SYN3: variants seen among roughly 807,000 people sequenced by gnomAD.
The protein encoded by SYN3 is synapsin III.
In SYN3, 35 loss-of-function variants were observed where a neutral mutation model predicts 65.8. The ratio of observed to expected loss-of-function variants is 0.53; its 90% CI spans 0.41 to 0.70. SYN3 has a LOEUF of 0.70. Ranked by LOEUF, SYN3 falls within the 30% of genes least tolerant of loss-of-function variation. SYN3 has a pLI of 0.00. For synonymous variants in SYN3, 270 were observed against 292.9 expected (o/e 0.92, Z 0.80); for missense variants, 680 against 749.0 (o/e 0.91, Z 1.08).
intron 8 of SYN3, among the ~76,000 whole-genome samples, chr22:32,539,085 C>T (rs135476): frequency 0.64 from 97,982 of 151,934 alleles, 31,725 homozygotes; most frequent in East Asian, 0.9. Context: ...GGAGGTAAAG[C>T]TATTTGTCTT....
chr22:32,515,712 T>C (rs2057759019), intron 13 of SYN3, among the ~76,000 whole-genome samples: 1 of 152,220 alleles, frequency 6.6e-6, no homozygotes, highest in Non-Finnish European at 1.5e-5. Flanking sequence ...CTATTTGTGA[T>C]GGATTAGTTA....
At chr22:32,940,615 A>G (rs938174470) in intron 3 of SYN3, among the ~76,000 whole-genome samples, 2 of 152,212 alleles carry the variant, frequency 1.3e-5, no homozygotes, top group African/African-American at 4.8e-5. Flanking sequence ...ATTTATTGAA[A>G]TGAGCACTCT....
At chr22:32,765,674 G>A (rs747740848) in intron 6 of SYN3, among the ~76,000 whole-genome samples, 2 of 152,160 alleles carry the variant, frequency 1.3e-5, no homozygotes, top group Non-Finnish European at 2.9e-5. Context: ...TGGCTGGCAG[G>A]AGCGGGAGGC....
Position 32,801,975 on chromosome 22 carries a change from G to A in SYN3, c.711+62940C>T. On this transcript the variant is annotated intron_variant, in intron 6 of 13. Coordinates refer to ENST00000358763, the MANE Select transcript of SYN3 (RefSeq NM_003490.4). This position sits in a 1 kb window ranked among gnomAD's most constrained non-coding sequence, Gnocchi z 4.7. ...GGCAACTTTGGAGAGGCGAGCAGCAGCCCCGGCAGCGGCGGCAGCAGCGGC... is the reference window on the plus strand; with the variant it reads ...GGCAACTTTGGAGAGGCGAGCAGCAACCCCGGCAGCGGCGGCAGCAGCGGC... 1.3e-6 allele frequency: 2 copies of A among 1,580,344 alleles called. No homozygotes were observed. Among genetic ancestry groups the A allele is most frequent in the Middle Eastern group, 1.9e-4 (1 of 5,314 alleles).
chr22:32,979,808 G>A (rs2052318529), intron 3 of SYN3, among the ~76,000 whole-genome samples: 1 of 152,160 alleles, frequency 6.6e-6, no homozygotes, highest in African/African-American at 2.4e-5. Flanking sequence ...GACAGATGAA[G>A]AAATTGAACT....
chr22:32,895,700 T>C (rs908046266), intron 4 of SYN3, among the ~76,000 whole-genome samples: 7 of 152,268 alleles, frequency 4.6e-5, no homozygotes, highest in Admixed American at 1.3e-4. Flanking sequence ...TTATCTCCCA[T>C]CTCTAAGCCT....
In SYN3 at chr22:33,006,474, G is replaced by A; in HGVS notation, c.189C>T (p.Leu63=). Reference sequence around the variant, plus strand: ...GAGGGGCCTGCTTCATGGCACTGGAGAGGGAGCTAAAAAGGCTGGATCCTG... The same window carrying A: ...GAGGGGCCTGCTTCATGGCACTGGAAAGGGAGCTAAAAAGGCTGGATCCTG... ...SSPGSSLFSS[L]SSAMKQAPQA... The change falls in exon 2 of 14, where the codon CTC becomes CTT. Residue 63 remains leucine (L), a synonymous_variant. Coordinates refer to ENST00000358763, the MANE Select transcript of SYN3 (RefSeq NM_003490.4). The A allele has an allele frequency of 1.9e-6, 3 of 1,614,222 alleles. No homozygotes were observed. Among genetic ancestry groups the A allele is most frequent in the Non-Finnish European group, 2.5e-6 (3 of 1,180,044 alleles).
intron 6 of SYN3, among the ~76,000 whole-genome samples, chr22:32,730,072 C>T (rs1289290558): frequency 2.0e-5 from 3 of 152,158 alleles, no homozygotes. Context: ...TAGACTATTT[C>T]CCTAGATAAG....
intron 1 of SYN3, among the ~76,000 whole-genome samples, chr22:33,051,130 G>A (rs78181550): frequency 0.014 from 2,194 of 152,118 alleles, 60 homozygotes; most frequent in African/African-American, 0.05. Flanking sequence ...AGAAACGTTC[G>A]GTGACTTGCT....
chr22:32,995,145 C>T (rs987592207), intron 2 of SYN3, among the ~76,000 whole-genome samples: 1 of 152,150 alleles, frequency 6.6e-6, no homozygotes, highest in African/African-American at 2.4e-5. Context: ...CAGCCCTCCT[C>T]ACAGGCAAGG....
intron 3 of SYN3, among the ~76,000 whole-genome samples, chr22:32,938,112 C>T (rs2050825727): frequency 6.6e-6 from 1 of 152,046 alleles, no homozygotes; most frequent in African/African-American, 2.4e-5. Flanking sequence ...ATCTTCAAAG[C>T]AGCCAAAGGG....
At chr22:32,921,896 C>A (rs926947706) in intron 4 of SYN3, among the ~76,000 whole-genome samples, 1 of 152,138 alleles carries the variant, frequency 6.6e-6, no homozygotes, top group African/African-American at 2.4e-5. Context: ...CTGCTGTCAC[C>A]GTGGCAAATC....
rs186852010 is a variant in SYN3 at position 32,525,823 on chromosome 22, G to C, written c.1318+2095C>G. 2.3e-4 allele frequency among the ~76,000 whole-genome samples: 35 copies of C among 152,310 alleles called. No individual in the cohort carries two copies. In the East Asian group the frequency reaches 6.5e-3, roughly 28 times the overall value. On this transcript the variant is annotated intron_variant, in intron 12 of 13. Coordinates refer to ENST00000358763, the MANE Select transcript of SYN3 (RefSeq NM_003490.4). ...CAGGTTTTGCGAGGACTGACTTCAA[G>C]TTTGAAAGAAGTTCTACTATGGGTA... is the stretch of plus-strand genomic sequence containing the variant.
At chr22:32,726,423 G>A (rs896939887) in intron 6 of SYN3, among the ~76,000 whole-genome samples, 4 of 152,200 alleles carry the variant, frequency 2.6e-5, no homozygotes, top group Non-Finnish European at 5.9e-5. Flanking sequence ...TTACAGGTGT[G>A]AGCCACCACA....
intron 6 of SYN3, among the ~76,000 whole-genome samples, chr22:32,715,638 AG>A: frequency 6.6e-6 from 1 of 151,986 alleles, no homozygotes; most frequent in Non-Finnish European, 1.5e-5. Flanking sequence ...ATATTAGCCA[AG>A]CATGGTGGCG....
chr22:32,554,340 C>T (rs2058460262), intron 7 of SYN3, among the ~76,000 whole-genome samples: 1 of 152,156 alleles, frequency 6.6e-6, no homozygotes, highest in African/African-American at 2.4e-5. Flanking sequence ...TCCTCCCTGT[C>T]CGCTCTGGGA....
Position 32,533,799 on chromosome 22 carries a change from G to T in SYN3, c.1089C>A (p.Ile363=). 6.2e-7 allele frequency: 1 copy of T among 1,612,160 alleles called. No homozygotes were observed. The highest frequency in any genetic ancestry group is 8.5e-7 in the Non-Finnish European group (1 of 1,178,482). ...TCCCTGCTTCATCCCTCACCTCGAT[G>T]ATGTAATCTCTGCCATCCTTGCTGT... ...AVHSKDGRDY[I]IEVMDSSMPL... The change falls in exon 10 of 14, where the codon ATC becomes ATA. Residue 363 remains isoleucine (I), a synonymous_variant. Transcript: ENST00000358763.
At chr22:32,624,376 G>C (rs1474226025) in intron 6 of SYN3, among the ~76,000 whole-genome samples, 1 of 152,218 alleles carries the variant, frequency 6.6e-6, no homozygotes, top group Admixed American at 6.5e-5. Flanking sequence ...AGCATTCTGA[G>C]GAGGGCTGAA....
intron 7 of SYN3, among the ~76,000 whole-genome samples, chr22:32,551,735 C>G (rs1419084039): frequency 6.6e-6 from 1 of 151,730 alleles, no homozygotes; most frequent in Non-Finnish European, 1.5e-5. Context: ...AAAAAAGAAG[C>G]TTTTGTGTGT....
Sources: allele counts gnomAD v4.1 joint callset (sites outside exome capture counted in the v4.1 genomes callset), GRCh38; gene constraint gnomAD v4.1.1; non-coding constraint Gnocchi (gnomAD v3.1); transcripts MANE v1.5; gene names NCBI Gene and HGNC (gene_info 2026-07-23, HGNC 2026-07-21).